SLC71A2: variants seen among roughly 807,000 people sequenced by gnomAD.
SLC71A2 encodes the protein hippocampus abundant transcript-like 1.
At chr9:94,427,467 A>T in the SLC71A2 span, among the ~76,000 whole-genome samples, 4 of 151,002 alleles carry the variant, frequency 2.6e-5, no homozygotes, top group Non-Finnish European at 5.9e-5. Context: ...TCATCCATAG[A>T]TACGGTTTTG....
chr9:94,455,232 A>G, the SLC71A2 span, among the ~76,000 whole-genome samples: 8 of 137,738 alleles, frequency 5.8e-5, no homozygotes, highest in Non-Finnish European at 9.1e-5. Context: ...CAGTGGCACA[A>G]TCATGGCTTA....
At chr9:94,460,529 T>G in the SLC71A2 span, 1 of 152,636 alleles carries the variant, frequency 6.6e-6, no homozygotes, top group Admixed American at 6.5e-5. Flanking sequence ...TGCTATTTTT[T>G]GAGATGTTTT....
At chr9:94,441,615 G>A in the SLC71A2 span, among the ~76,000 whole-genome samples, 2 of 152,214 alleles carry the variant, frequency 1.3e-5, no homozygotes, top group East Asian at 1.9e-4. Flanking sequence ...CCGGAGGAGC[G>A]TTAAGCAGTC....
the SLC71A2 span, chr9:94,459,624 AC>A: frequency 1.9e-6 from 1 of 513,868 alleles, no homozygotes; most frequent in Non-Finnish European, 3.4e-6. Context: ...ATACATTAGA[AC>A]AAGATAAGAT....
chr9:94,451,527 G>T, the SLC71A2 span: 1 of 1,522,476 alleles, frequency 6.6e-7, no homozygotes, highest in Non-Finnish European at 8.9e-7. Flanking sequence ...TTGTGGCTCA[G>T]GTGAGTATCA....
At chr9:94,442,893 C>G in the SLC71A2 span, among the ~76,000 whole-genome samples, 5 of 151,622 alleles carry the variant, frequency 3.3e-5, no homozygotes, top group Admixed American at 3.3e-4. Flanking sequence ...AACCTCCCCC[C>G]GCCCTGCCAA....
chr9:94,395,925 G>A, the SLC71A2 span, among the ~76,000 whole-genome samples: 1 of 151,904 alleles, frequency 6.6e-6, no homozygotes, highest in Non-Finnish European at 1.5e-5. Context: ...TAGCTGAGGA[G>A]TGGGCAGTGT....
the SLC71A2 span, among the ~76,000 whole-genome samples, chr9:94,452,720 T>C: frequency 1.0e-5 from 1 of 98,966 alleles, no homozygotes; most frequent in Non-Finnish European, 2.7e-5. Context: ...TATTCATATA[T>C]ATATAATAGA....
the SLC71A2 span, among the ~76,000 whole-genome samples, chr9:94,428,383 A>G: frequency 1.6e-5 from 2 of 128,574 alleles, no homozygotes; most frequent in African/African-American, 3.2e-5. Flanking sequence ...ACAGGCAGGT[A>G]GAGTTCAAAT....
the SLC71A2 span, among the ~76,000 whole-genome samples, chr9:94,383,020 G>GT: frequency 6.6e-6 from 1 of 151,876 alleles, no homozygotes; most frequent in Admixed American, 6.6e-5. Flanking sequence ...AAGCTTTATA[G>GT]TTTTAGATTT....
chr9:94,418,439 T>C, the SLC71A2 span, among the ~76,000 whole-genome samples: 1 of 152,158 alleles, frequency 6.6e-6, no homozygotes, highest in African/African-American at 2.4e-5. Context: ...CACTGAGTGA[T>C]TCACATACTT....
the SLC71A2 span, among the ~76,000 whole-genome samples, chr9:94,413,534 G>A: frequency 2.0e-5 from 3 of 151,710 alleles, no homozygotes; most frequent in Non-Finnish European, 4.4e-5. Context: ...GAGATACTGA[G>A]TAGTTAGCTA....
At chr9:94,413,232 C>T in the SLC71A2 span, among the ~76,000 whole-genome samples, 1 of 151,634 alleles carries the variant, frequency 6.6e-6, no homozygotes, top group East Asian at 1.9e-4. Context: ...AGATTCTGAA[C>T]CAGAAAAAGA....
the SLC71A2 span, among the ~76,000 whole-genome samples, chr9:94,440,412 T>C: frequency 6.6e-6 from 1 of 152,032 alleles, no homozygotes; most frequent in Non-Finnish European, 1.5e-5. Flanking sequence ...CTTTTCTCTT[T>C]AGAGCTACTA....
At chr9:94,381,384 G>A in the SLC71A2 span, among the ~76,000 whole-genome samples, 1 of 150,466 alleles carries the variant, frequency 6.6e-6, no homozygotes, top group Admixed American at 6.7e-5. Context: ...TATAAATACA[G>A]CATATTCTCC....
the SLC71A2 span, chr9:94,456,419 C>A: frequency 9.3e-7 from 1 of 1,075,036 alleles, no homozygotes; most frequent in East Asian, 2.4e-5. Context: ...TGAGTTCTCC[C>A]CATCAACAGC....
chr9:94,414,325 G>GGGAGAGATGATAAATAAGAGGGT, the SLC71A2 span, among the ~76,000 whole-genome samples: 2 of 152,110 alleles, frequency 1.3e-5, no homozygotes, highest in African/African-American at 4.8e-5. Flanking sequence ...AGTAATCTGT[G>GGGAGAGATGATAAATAAGAGGGT]GGAGAGATGA....
At chr9:94,450,646 C>T in the SLC71A2 span, among the ~76,000 whole-genome samples, 2 of 151,718 alleles carry the variant, frequency 1.3e-5, no homozygotes, top group East Asian at 1.9e-4. Flanking sequence ...CACGCCACCA[C>T]GTCCAGCTAA....
At chr9:94,403,544 A>C in the SLC71A2 span, among the ~76,000 whole-genome samples, 34 of 151,138 alleles carry the variant, frequency 2.2e-4, no homozygotes, top group South Asian at 5.5e-3. Context: ...CATTGTATAC[A>C]TGTACCATAT....
Sources: gnomAD v4.1 joint callset for allele counts (sites outside exome capture counted in the v4.1 genomes callset) on GRCh38, gnomAD v4.1.1 for gene constraint, MANE v1.5 for transcripts, NCBI Gene and HGNC (gene_info 2026-07-23, HGNC 2026-07-21) for gene names.